The following UQCR11 variants were observed in gnomAD, a reference collection of about 807,000 sequenced individuals.
UQCR11 encodes cytochrome b-c1 complex subunit 10.
In UQCR11, 10 loss-of-function variants were observed where a neutral mutation model predicts 7.6. The observed-to-expected ratio is 1.31, with a 90% CI of 0.81 to 2.22. UQCR11 has a LOEUF of 2.22. UQCR11 is among the 30% of genes most tolerant of loss of function. The pLI, the probability that UQCR11 is intolerant of heterozygous loss-of-function variation, is 0.00. For missense variants in UQCR11, 86 were observed against 75.1 expected (o/e 1.15, Z -0.54); for synonymous variants, 34 against 34.9 (o/e 0.97, Z 0.09).
rs753121736 is a variant in UQCR11 at position 1,605,390 on chromosome 19, C to T, written c.20G>A (p.Gly7Asp). 1.8e-5 allele frequency: 29 copies of T among 1,574,792 alleles called. No homozygotes were observed. In the African/African-American group the frequency reaches 3.8e-4, roughly 21 times the overall value. Residue 7 changes from glycine (G) to aspartate (D), a missense_variant, in exon 1 of 3, where the codon GGC becomes GAC. Physicochemically the swap from Gly to Asp is moderately conservative, Grantham distance 94. Transcript: ENST00000591899. MVTRFL[G>D]PRYRELVKNW... The stretch of plus-strand genomic sequence containing the variant: ...CTTGACCAGCTCCCGGTAGCGTGGG[C>T]CCAGGAACCGGGTCACCATCGCGGC...
chr19:1,600,820 C>T (rs554643131), intron 1 of UQCR11, among the ~76,000 whole-genome samples: 2 of 152,238 alleles, frequency 1.3e-5, no homozygotes, highest in African/African-American at 4.8e-5. Context: ...GCTGTGGCTA[C>T]ACCAACTGCC....
At position 1,600,338 on chromosome 19, in the gene UQCR11, C is replaced by G. The variant is rs1251068961; in HGVS notation, c.51-778G>C. 3.9e-5 allele frequency among the ~76,000 whole-genome samples: 6 copies of G among 152,074 alleles called. No individual in the cohort carries two copies. In the East Asian group the frequency reaches 1.2e-3, roughly 29 times the overall value. The stretch of plus-strand genomic sequence containing the variant: ...AAGCAATTCTCCTGCCTCAGCCTCC[C>G]GAGTAGCTGGGACTACAGGCGCCCG... On this transcript the variant is annotated intron_variant, in intron 1 of 2. Transcript: ENST00000591899.
At chr19:1,605,067 C>G (rs2060758006) in intron 1 of UQCR11, among the ~76,000 whole-genome samples, 2 of 152,260 alleles carry the variant, frequency 1.3e-5, no homozygotes, top group South Asian at 4.1e-4. Flanking sequence ...GCGCTTCCGT[C>G]CAGGGGGTCA....
chr19:1,602,241 C>T (rs1568282998), intron 1 of UQCR11: 1 of 152,188 alleles, frequency 6.6e-6, no homozygotes, highest in Non-Finnish European at 1.5e-5. Context: ...AGGGGGTGCT[C>T]CTCCTGGAGG....
Position 1,605,406 on chromosome 19 carries a change from C to G in UQCR11, c.4G>C (p.Val2Leu). 3 of 1,574,426 alleles carry G rather than the reference C, an allele frequency of 1.9e-6. No individual in the cohort carries two copies. The highest frequency in any genetic ancestry group is 2.6e-6 in the Non-Finnish European group (3 of 1,164,872). Residue 2 changes from valine to leucine, a missense_variant, in exon 1 of 3, where the codon GTG becomes CTG. Physicochemically the swap from Val to Leu is conservative, Grantham distance 32. Transcript: ENST00000591899. M[V>L]TRFLGPRYRE... The stretch of plus-strand genomic sequence containing the variant: ...TAGCGTGGGCCCAGGAACCGGGTCA[C>G]CATCGCGGCGGAGTCGCACCCTCAG...
At chr19:1,603,032 G>A (rs780948009) in intron 1 of UQCR11, among the ~76,000 whole-genome samples, 1 of 152,152 alleles carries the variant, frequency 6.6e-6, no homozygotes, top group Non-Finnish European at 1.5e-5. Context: ...GTGAACTGTG[G>A]CCCTCTCAGT....
rs1425655122 is a variant in UQCR11, at chr19:1,597,976, TG to T, written c.*267del. 6.6e-6 allele frequency: 1 copy of T among 152,252 alleles called. No homozygotes were observed. The highest frequency in any genetic ancestry group is 1.5e-5 in the Non-Finnish European group (1 of 68,066). The allele number at this position is 152,252 out of a possible 1,614,324, so 9.4% of individuals were successfully genotyped here. On this transcript the variant is annotated 3_prime_UTR_variant, in exon 3 of 3. Coordinates refer to ENST00000591899, the MANE Select transcript of UQCR11 (RefSeq NM_006830.4). ...AACATTCTGGAGCTGAAAGGACGCC[TG>T]GGTCACCTGTGCCACTCCAGCTACA...
At chr19:1,602,447 TTTATTTATTTA>T (rs1157543069) in intron 1 of UQCR11, 2 of 152,108 alleles carry the variant, frequency 1.3e-5, no homozygotes, top group African/African-American at 4.8e-5. Context: ...TATTTATTTA[TTTATTTATTTA>T]TTATTTATTT....
intron 1 of UQCR11, among the ~76,000 whole-genome samples, chr19:1,600,716 T>G (rs939795295): frequency 1.3e-5 from 2 of 151,434 alleles, no homozygotes; most frequent in African/African-American, 4.9e-5. Flanking sequence ...TACACAAAAT[T>G]AAGAAAAATT....
At chr19:1,602,672 G>A (rs566178034) in intron 1 of UQCR11, among the ~76,000 whole-genome samples, 59 of 152,106 alleles carry the variant, frequency 3.9e-4, no homozygotes, top group Middle Eastern at 3.4e-3. Context: ...GGCTCTTCTC[G>A]AACTCCTGAC....
intron 1 of UQCR11, among the ~76,000 whole-genome samples, chr19:1,604,621 G>A (rs531277642): frequency 6.6e-6 from 1 of 151,954 alleles, no homozygotes; most frequent in African/African-American, 2.4e-5. Context: ...TCCTCCTCCC[G>A]GGTTCAAGCG....
At chr19:1,600,581 A>G (rs950044200) in intron 1 of UQCR11, among the ~76,000 whole-genome samples, 2 of 152,210 alleles carry the variant, frequency 1.3e-5, no homozygotes, top group African/African-American at 2.4e-5. Context: ...TCAAGTGACA[A>G]AAGACTGGCT....
rs991751086 is a variant in UQCR11 at position 1,603,620 on chromosome 19, GAATAAATA to G, written c.50+1732_50+1739del. Among the ~76,000 whole-genome samples the G allele has an allele frequency of 1.2e-3, 182 of 152,060 alleles. 1 individual carries two copies. Among genetic ancestry groups the G allele is most frequent in the African/African-American group, 4.2e-3 (176 of 41,484 alleles). ...AGACTCCGTCTCTAAATAAATAAATGAATAAATAAATAAATAAATGCTTGCTGTTGGAT... is the reference window on the plus strand; with the variant it reads ...AGACTCCGTCTCTAAATAAATAAATGAATAAATAAATGCTTGCTGTTGGAT... On this transcript the variant is annotated intron_variant, in intron 1 of 2. Transcript: ENST00000591899.
intron 1 of UQCR11, 114 bp downstream of exon 1, chr19:1,605,246 G>T (rs2060758577): frequency 7.9e-7 from 1 of 1,266,478 alleles, no homozygotes; most frequent in Non-Finnish European, 1.0e-6. Context: ...GAACAACAAG[G>T]GACCTGGGCC....
intron 1 of UQCR11, among the ~76,000 whole-genome samples, chr19:1,604,235 G>T: frequency 6.6e-6 from 1 of 152,142 alleles, no homozygotes; most frequent in Non-Finnish European, 1.5e-5. Flanking sequence ...GTGAGTCACT[G>T]CGCCCAGCAG....
At chr19:1,602,782 C>T (rs2060751026) in intron 1 of UQCR11, among the ~76,000 whole-genome samples, 1 of 152,170 alleles carries the variant, frequency 6.6e-6, no homozygotes, top group Admixed American at 6.5e-5. Context: ...GAAGCCTGCT[C>T]ATAAATATGC....
intron 1 of UQCR11, among the ~76,000 whole-genome samples, chr19:1,601,108 G>T (rs1221610223): frequency 6.6e-6 from 1 of 151,938 alleles, no homozygotes; most frequent in Non-Finnish European, 1.5e-5. Context: ...GGTGGAGGTT[G>T]CAGTGAGCCA....
intron 1 of UQCR11, among the ~76,000 whole-genome samples, chr19:1,600,554 G>A (rs527577855): frequency 5.3e-5 from 8 of 152,292 alleles, no homozygotes; most frequent in Middle Eastern, 3.4e-3. Context: ...ATGAGCAATG[G>A]GGCATCACTG....
chr19:1,600,209 CTTT>C (rs751453784), intron 1 of UQCR11, among the ~76,000 whole-genome samples: 2 of 121,350 alleles, frequency 1.6e-5, no homozygotes, highest in Non-Finnish European at 3.5e-5. Context: ...GCACAGGCTT[CTTT>C]TTTTTTTTTT....
Sources: gnomAD v4.1 joint callset for allele counts (sites outside exome capture counted in the v4.1 genomes callset) on GRCh38, gnomAD v4.1.1 for gene constraint, MANE v1.5 for transcripts, NCBI Gene and HGNC (gene_info 2026-07-23, HGNC 2026-07-21) for gene names.